EHBP1: variants seen among roughly 807,000 people sequenced by gnomAD.
EHBP1 encodes the protein EH domain-binding protein 1.
EHBP1 carries 55 observed loss-of-function variants against 144.0 expected under a neutral mutation model. The ratio of observed to expected loss-of-function variants is 0.38; its 90% CI spans 0.31 to 0.48. The LOEUF (loss-of-function observed/expected upper bound fraction) is 0.48, where lower values mean the gene tolerates loss of function less well. Ranked by LOEUF, EHBP1 falls within the 20% of genes least tolerant of loss-of-function variation. The pLI, the probability that EHBP1 is intolerant of heterozygous loss-of-function variation, is 0.98. For missense variants in EHBP1, 1,200 were observed against 1,364.2 expected, an observed-to-expected ratio of 0.88 and a Z score of 1.90; for synonymous variants, 469 against 472.7, an observed-to-expected ratio of 0.99 and a Z score of 0.10.
intron 14 of EHBP1, among the ~76,000 whole-genome samples, chr2:62,963,199 A>G (rs1558990272): frequency 1.3e-5 from 2 of 152,248 alleles, no homozygotes; most frequent in Non-Finnish European, 2.9e-5. Context: ...AAGAGAACTA[A>G]GAGAATGCAA....
intron 9 of EHBP1, among the ~76,000 whole-genome samples, chr2:62,866,432 A>G (rs564344215): frequency 6.6e-6 from 1 of 152,238 alleles, no homozygotes; most frequent in Non-Finnish European, 1.5e-5. Flanking sequence ...ATTAGTATAG[A>G]TGCAGAAATG....
chr2:62,849,438 C>T (rs1448638103), intron 7 of EHBP1, among the ~76,000 whole-genome samples: 1 of 152,106 alleles, frequency 6.6e-6, no homozygotes, highest in Non-Finnish European at 1.5e-5. Context: ...CATCTAACTA[C>T]ATTGAACTAC....
chr2:62,778,501 G>A (rs114933978), intron 5 of EHBP1, among the ~76,000 whole-genome samples: 197 of 148,012 alleles, frequency 1.3e-3, no homozygotes, highest in African/African-American at 4.4e-3. Flanking sequence ...CTCTCATTGC[G>A]CCACTGTACT....
chr2:62,686,194 G>C (rs2033713082), intron 1 of EHBP1, among the ~76,000 whole-genome samples: 1 of 152,150 alleles, frequency 6.6e-6, no homozygotes, highest in African/African-American at 2.4e-5. Context: ...CTGAACAAAA[G>C]GAAGACAGCT....
chr2:62,874,482 T>C lies in EHBP1; in HGVS notation c.1135T>C (p.Leu379=), dbSNP rs750111188. 1 of 1,610,314 alleles carries C rather than the reference T, an allele frequency of 6.2e-7. No individual in the cohort carries two copies. The highest frequency in any genetic ancestry group is 1.1e-5 in the South Asian group (1 of 90,010). The change falls in exon 10 of 23, where the codon TTA becomes CTA. Residue 379 remains leucine, a synonymous_variant. Transcript: ENST00000431489. ...AGTCCTCTCACCAAAAACAGGAGTA[T>C]TAAATGAAAACACAGTTTCTGCAGG... The part of the protein sequence containing the change: ...PPVLSPKTGV[L]NENTVSAGKD...
At chr2:62,880,744 C>A (rs1055725853) in intron 10 of EHBP1, among the ~76,000 whole-genome samples, 4 of 152,000 alleles carry the variant, frequency 2.6e-5, no homozygotes, top group African/African-American at 9.7e-5. Flanking sequence ...ATTAAAAAGT[C>A]AAAAAATAAC....
intron 7 of EHBP1, among the ~76,000 whole-genome samples, chr2:62,852,118 C>T (rs529538389): frequency 8.5e-5 from 13 of 152,154 alleles, no homozygotes; most frequent in African/African-American, 2.2e-4. Context: ...ATATTCCCTG[C>T]GGTGCTCAAA....
chr2:62,691,249 T>G (rs1301503424), intron 1 of EHBP1, among the ~76,000 whole-genome samples: 1 of 152,216 alleles, frequency 6.6e-6, no homozygotes, highest in Non-Finnish European at 1.5e-5. Context: ...GATAGGCAGT[T>G]CAGGGCAAAT....
At chr2:62,859,700 A>T (rs1057316088) in intron 8 of EHBP1, among the ~76,000 whole-genome samples, 1 of 152,172 alleles carries the variant, frequency 6.6e-6, no homozygotes, top group Non-Finnish European at 1.5e-5. Flanking sequence ...TAGTAGTGAG[A>T]GTGAGTTATG....
intron 2 of EHBP1, among the ~76,000 whole-genome samples, chr2:62,717,051 AG>A (rs768362420): frequency 1.9e-4 from 29 of 152,294 alleles, no homozygotes; most frequent in Middle Eastern, 3.4e-3. Flanking sequence ...TACAGGTGTA[AG>A]GACCATGCCC....
At position 62,874,448 on chromosome 2, in the gene EHBP1, G is replaced by A. The variant is rs148159032; in HGVS notation, c.1101G>A (p.Pro367=). ...AAAGGCGAGTGAAAAGAAAGGCCCC[G>A]GCTCCACCAGTCCTCTCACCAAAAA... ...ETERRVKRKA[P]APPVLSPKTG... Residue 367 remains proline (P), a synonymous_variant, in exon 10 of 23, where the codon CCG becomes CCA. Coordinates refer to ENST00000431489, the MANE Select transcript of EHBP1 (RefSeq NM_001142616.3). The A allele has an allele frequency of 4.6e-5, 74 of 1,613,446 alleles. No individual in the cohort carries two copies. The highest frequency in any genetic ancestry group is 4.4e-4 in the African/African-American group (33 of 74,998).
chr2:62,992,637 G>C (rs183391681), intron 16 of EHBP1, among the ~76,000 whole-genome samples: 8 of 152,166 alleles, frequency 5.3e-5, no homozygotes, highest in Non-Finnish European at 1.5e-5. Context: ...TTATAAATGA[G>C]GCATTCTGTG....
intron 5 of EHBP1, among the ~76,000 whole-genome samples, chr2:62,782,640 G>GCC (rs2042521919): frequency 6.6e-6 from 1 of 152,122 alleles, no homozygotes; most frequent in South Asian, 2.1e-4. Flanking sequence ...AAGGGGGTAA[G>GCC]CCCCTTGTAA....
intron 10 of EHBP1, among the ~76,000 whole-genome samples, chr2:62,915,718 A>AT (rs200857203): frequency 2.9e-5 from 4 of 135,942 alleles, no homozygotes; most frequent in African/African-American, 8.2e-5. Context: ...TTTAAAAAAA[A>AT]TTTTTTTTAA....
chr2:62,730,781 GAC>G (rs2037463319), intron 2 of EHBP1, among the ~76,000 whole-genome samples: 1 of 143,008 alleles, frequency 7.0e-6, no homozygotes, highest in Admixed American at 7.2e-5. Context: ...CAAAGAGACA[GAC>G]AGAGAAAGAC....
intron 7 of EHBP1, among the ~76,000 whole-genome samples, chr2:62,834,321 T>G (rs2152676951): frequency 6.6e-6 from 1 of 152,376 alleles, no homozygotes; most frequent in East Asian, 1.9e-4. Flanking sequence ...AGAGAAATTT[T>G]TAATGAAAGG....
intron 1 of EHBP1, among the ~76,000 whole-genome samples, chr2:62,697,459 A>G (rs1371954294): frequency 2.6e-5 from 4 of 152,190 alleles, no homozygotes; most frequent in Non-Finnish European, 5.9e-5. Flanking sequence ...TGATCCTTTT[A>G]TGTTAGTCCC....
chr2:62,858,643 A>G (rs1316357272), intron 7 of EHBP1: 6 of 617,746 alleles, frequency 9.7e-6, no homozygotes, highest in African/African-American at 1.8e-5. Context: ...TTCTTTGGTA[A>G]TTTGTAGTGC....
chr2:62,850,592 AT>A (rs1344921159), intron 7 of EHBP1, among the ~76,000 whole-genome samples: 1 of 152,140 alleles, frequency 6.6e-6, no homozygotes, highest in Non-Finnish European at 1.5e-5. Context: ...CTCAATTTGT[AT>A]AGTAGTAGGG....
Sources: gnomAD v4.1 joint callset for allele counts (sites outside exome capture counted in the v4.1 genomes callset) on GRCh38, gnomAD v4.1.1 for gene constraint, MANE v1.5 for transcripts, NCBI Gene and HGNC (gene_info 2026-07-23, HGNC 2026-07-21) for gene names.